The following RASGRF1 variants were observed in gnomAD, a reference collection of about 807,000 sequenced individuals.
RASGRF1 encodes the protein Ras protein specific guanine nucleotide releasing factor 1, also known as ras-specific guanine nucleotide-releasing factor 1.
RASGRF1 carries 40 observed loss-of-function variants against 138.7 expected under a neutral mutation model. The observed-to-expected ratio is 0.29, with a 90% confidence interval of 0.22 to 0.38. RASGRF1 has a LOEUF of 0.38. Among genes scored for constraint, RASGRF1 ranks in the 10% least tolerant of loss-of-function variants. The probability of loss-of-function intolerance (pLI) is 1.00; values close to 1 mark genes in which losing one functional copy is unlikely to be tolerated. For missense variants in RASGRF1, 1,108 were observed against 1,650.4 expected (o/e 0.67, Z 5.69); for synonymous variants, 614 against 663.2 (o/e 0.93, Z 1.14).
chr15:79,041,665 C>T (rs2057298657), intron 5 of RASGRF1, among the ~76,000 whole-genome samples: 2 of 152,182 alleles, frequency 1.3e-5, no homozygotes, highest in African/African-American at 4.8e-5. Flanking sequence ...TTCATTTTGC[C>T]TGGTTCCCTC....
chr15:79,047,002 G>T lies in RASGRF1; in HGVS notation c.625-3C>A. 6.2e-7 allele frequency: 1 copy of T among 1,608,638 alleles called. No individual in the cohort carries two copies. The highest frequency in any genetic ancestry group is 1.1e-5 in the South Asian group (1 of 91,038). ...CAGCCCCGCAGGAAGCTCTGCACCTGAGCAGCAAGACCGGTGGGGAGAGGC... is the reference window on the plus strand; with the variant it reads ...CAGCCCCGCAGGAAGCTCTGCACCTTAGCAGCAAGACCGGTGGGGAGAGGC... On this transcript the variant is annotated splice_polypyrimidine_tract_variant and splice_region_variant and intron_variant, in intron 4 of 26. Transcript: ENST00000558480.
Position 79,032,191 on chromosome 15 carries a change from G to T in RASGRF1, c.1084C>A (p.His362Asn). 6.2e-7 allele frequency: 1 copy of T among 1,614,100 alleles called. No individual in the cohort carries two copies. Among genetic ancestry groups the T allele is most frequent in the Non-Finnish European group, 8.5e-7 (1 of 1,179,982 alleles). Residue 362 changes from histidine (H) to asparagine (N), a missense_variant, in exon 7 of 27, where the codon CAC becomes AAC. His to Asn is a moderately conservative substitution (Grantham distance 68, BLOSUM62 1). Around this residue, in one of 3 missense-constraint regions of RASGRF1, gnomAD observed 169 missense variants for 344.2 expected, o/e 0.49. Transcript: ENST00000558480. This position sits in a 1 kb window ranked among gnomAD's most constrained non-coding sequence, Gnocchi z 4.5. Reference sequence around the variant, plus strand: ...TCGCAGTCAGGCTTGGCCTCGTAGTGCTTCAGCAGCTTGTCGAAGTCACGG... The same window carrying T: ...TCGCAGTCAGGCTTGGCCTCGTAGTTCTTCAGCAGCTTGTCGAAGTCACGG... The part of the protein sequence containing the change: ...QNRDFDKLLK[H>N]YEAKPDCEER...
chr15:79,062,218 A>G (rs2057616643), intron 2 of RASGRF1, among the ~76,000 whole-genome samples: 1 of 152,228 alleles, frequency 6.6e-6, no homozygotes, highest in Non-Finnish European at 1.5e-5. Context: ...TTCTACATTT[A>G]CAAAGCCCCT....
intron 1 of RASGRF1, among the ~76,000 whole-genome samples, chr15:79,070,548 T>C (rs2057741539): frequency 6.6e-6 from 1 of 152,188 alleles, no homozygotes; most frequent in Admixed American, 6.5e-5. Context: ...CATTGTGTTA[T>C]CTGGGAAATG....
intron 15 of RASGRF1, 47 bp downstream of exon 15, chr15:79,003,755 G>A (rs770869775): frequency 4.5e-6 from 7 of 1,540,846 alleles, no homozygotes; most frequent in African/African-American, 4.1e-5. Flanking sequence ...CTGAGCCTCA[G>A]TGGGGCTGGG....
At chr15:79,059,611 G>T (rs2057569769) in intron 2 of RASGRF1, among the ~76,000 whole-genome samples, 1 of 152,116 alleles carries the variant, frequency 6.6e-6, no homozygotes, top group Non-Finnish European at 1.5e-5. Flanking sequence ...CTAGAGTCGG[G>T]CTCCAGCCCC....
chr15:78,998,746 G>T lies in RASGRF1; in HGVS notation c.2826C>A (p.Leu942=). Residue 942 remains leucine (L), a synonymous_variant, in exon 18 of 27, where the codon CTC becomes CTA. Transcript: ENST00000558480. ...RAATNRVLNV[L]RHWVSKHSQD... is the part of the protein sequence containing the mutation. ...GAGAGTGCTTGGACACCCAGTGGCG[G>T]AGCACGTTCAAGACACGATTGGTGG... is the stretch of plus-strand genomic sequence containing the variant. 6.2e-6 allele frequency: 10 copies of T among 1,614,140 alleles called. No individual in the cohort carries two copies. The highest frequency in any genetic ancestry group is 8.5e-6 in the Non-Finnish European group (10 of 1,179,978).
chr15:79,068,528 T>A (rs1456997725), intron 1 of RASGRF1, among the ~76,000 whole-genome samples: 4 of 149,062 alleles, frequency 2.7e-5, no homozygotes. Context: ...TATAAGTATA[T>A]ATATACATAC....
chr15:79,000,951 G>A (rs1368439917), intron 16 of RASGRF1, among the ~76,000 whole-genome samples: 2 of 152,182 alleles, frequency 1.3e-5, no homozygotes, highest in Non-Finnish European at 1.5e-5. Context: ...CAGGGACATT[G>A]GAGAAAGCTG....
In RASGRF1 at chr15:79,090,355, C is replaced by T. The variant is rs1450448079; in HGVS notation, c.144G>A (p.Gln48=). 7 of 1,613,862 alleles carry T rather than the reference C, an allele frequency of 4.3e-6. No homozygotes were observed. Among genetic ancestry groups the T allele is most frequent in the African/African-American group, 4.0e-5 (3 of 74,940 alleles). Residue 48 remains glutamine, a synonymous_variant, in exon 1 of 27, where the codon CAG becomes CAA. Transcript: ENST00000558480. ...KWQTKWFALL[Q]NLLFYFESDS... is the part of the protein sequence containing the mutation. ...CGCTCTCGAAGTAGAAGAGCAGGTTCTGCAGCAGCGCGAACCACTTGGTTT... is the reference window on the plus strand; with the variant it reads ...CGCTCTCGAAGTAGAAGAGCAGGTTTTGCAGCAGCGCGAACCACTTGGTTT...
At chr15:79,084,580 G>A (rs1049903817) in intron 1 of RASGRF1, among the ~76,000 whole-genome samples, 1 of 152,178 alleles carries the variant, frequency 6.6e-6, no homozygotes, top group Non-Finnish European at 1.5e-5. Flanking sequence ...CGTTTTGTTC[G>A]GTCCACCCCT....
At chr15:79,075,485 G>A (rs570052915) in intron 1 of RASGRF1, among the ~76,000 whole-genome samples, 1 of 152,332 alleles carries the variant, frequency 6.6e-6, no homozygotes, top group South Asian at 2.1e-4. Context: ...CCCCAGGTCA[G>A]TCTGGAGCTG....
intron 24 of RASGRF1, among the ~76,000 whole-genome samples, chr15:78,976,625 T>C (rs2055878386): frequency 6.7e-6 from 1 of 150,356 alleles, no homozygotes; most frequent in Non-Finnish European, 1.5e-5. Context: ...ATGTATGGAG[T>C]TGCCAGATTG....
At chr15:78,995,617 T>A in intron 20 of RASGRF1, 123 bp downstream of exon 20, 1 of 1,196,482 alleles carries the variant, frequency 8.4e-7, no homozygotes. Flanking sequence ...CCGCCCAGTT[T>A]GTGGTATTTT....
In RASGRF1 at chr15:79,046,762, T is replaced by C; in HGVS notation, c.862A>G (p.Ser288Gly). The change falls in exon 5 of 27, where the codon AGC becomes GGC. Residue 288 changes from serine to glycine, a missense_variant. By Grantham distance (56) the Ser-to-Gly change is moderately conservative (BLOSUM62 0). Around this residue, in one of 3 missense-constraint regions of RASGRF1, gnomAD observed 169 missense variants for 344.2 expected, o/e 0.49. Transcript: ENST00000558480. The surrounding 1 kb of genome is among the most constrained non-coding windows in gnomAD (Gnocchi z 5.3). Reference sequence around the variant, plus strand: ...GGTGCTCACCTGTTCAGGAAGATGCTGCTGACGTCGTCGTGTGTGATGGGA... The same window carrying C: ...GGTGCTCACCTGTTCAGGAAGATGCCGCTGACGTCGTCGTGTGTGATGGGA... ...KPPITHDDVSSIFLNSETIMF... is the reference protein window; with the variant it reads ...KPPITHDDVSGIFLNSETIMF... 1 of 1,614,276 alleles carries C rather than the reference T, an allele frequency of 6.2e-7. No homozygotes were observed. Among genetic ancestry groups the C allele is most frequent in the Non-Finnish European group, 8.5e-7 (1 of 1,180,044 alleles).
chr15:79,009,276 AG>A, intron 13 of RASGRF1, among the ~76,000 whole-genome samples: 1 of 152,224 alleles, frequency 6.6e-6, no homozygotes, highest in Admixed American at 6.5e-5. Context: ...TTTTTCCTTT[AG>A]TCAACACTAA....
chr15:79,028,448 T>C (rs1008482438), intron 8 of RASGRF1, among the ~76,000 whole-genome samples: 1 of 152,212 alleles, frequency 6.6e-6, no homozygotes, highest in African/African-American at 2.4e-5. Context: ...ATGACTGACC[T>C]TAGCCTACTT....
intron 3 of RASGRF1, 94 bp from the exon 4 acceptor site, chr15:79,049,682 G>C (rs1018002650): frequency 1.0e-6 from 1 of 997,624 alleles, no homozygotes; most frequent in Non-Finnish European, 1.5e-6. Flanking sequence ...GGTGGCAGCC[G>C]AGTGCCCTGC....
chr15:79,006,217 A>G lies in RASGRF1; in HGVS notation c.2044T>C (p.Tyr682His). The G allele has an allele frequency of 1.1e-5, 18 of 1,614,230 alleles. No individual in the cohort carries two copies. Among genetic ancestry groups the G allele is most frequent in the Non-Finnish European group, 1.5e-5 (18 of 1,180,044 alleles). ...GGAATGGCACTGATAGGCTTCTTGT[A>G]GATGGTAATGAGCTTGTCCAGGACC... is the stretch of plus-strand genomic sequence containing the variant. ...IVVLDKLITIYKKPISAIPAR... is the reference protein window; with the variant it reads ...IVVLDKLITIHKKPISAIPAR... Residue 682 changes from tyrosine (Y) to histidine (H), a missense_variant, in exon 14 of 27, where the codon TAC (tyrosine) becomes CAC (histidine). Coordinates refer to ENST00000558480, the MANE Select transcript of RASGRF1 (RefSeq NM_001145648.3). The surrounding 1 kb of genome is among the most constrained non-coding windows in gnomAD (Gnocchi z 4.0).
Sources: allele counts gnomAD v4.1 joint callset (sites outside exome capture counted in the v4.1 genomes callset), GRCh38; gene constraint gnomAD v4.1.1; regional missense constraint gnomAD v4.1.1; non-coding constraint Gnocchi (gnomAD v3.1); transcripts MANE v1.5; gene names NCBI Gene and HGNC (gene_info 2026-07-23, HGNC 2026-07-21).